The following LSM14A variants were observed in gnomAD, a reference collection of about 807,000 sequenced individuals.
LSM14A encodes the protein protein LSM14 homolog A.
A neutral mutation model predicts 52.4 loss-of-function variants in LSM14A; 14 were observed. That is an observed-to-expected ratio of 0.27 (90% CI 0.18 to 0.42). LSM14A has a LOEUF of 0.42. LSM14A is among the 10% of genes least tolerant of loss of function. The pLI is 1.00. For synonymous variants in LSM14A, 185 were observed against 200.3 expected (o/e 0.92, Z 0.64); for missense variants, 417 against 581.8 (o/e 0.72, Z 2.91).
At chr19:34,215,724 A>G in intron 6 of LSM14A, 63 bp downstream of exon 6, 3 of 1,121,286 alleles carry the variant, frequency 2.7e-6, no homozygotes, top group East Asian at 2.5e-5. Context: ...TTTTAAATAT[A>G]TGATACATAA....
intron 7 of LSM14A, 57 bp from the exon 8 acceptor site, chr19:34,219,649 T>C (rs2072919029): frequency 1.1e-5 from 17 of 1,574,046 alleles, no homozygotes; most frequent in Non-Finnish European, 1.5e-5. Context: ...GATTAGGTGT[T>C]TTTATGTAAT....
At chr19:34,220,582 A>C (rs930904757) in intron 8 of LSM14A, among the ~76,000 whole-genome samples, 1 of 151,434 alleles carries the variant, frequency 6.6e-6, no homozygotes, top group South Asian at 2.1e-4. Context: ...AGTGTGAGGA[A>C]CTAACAGTTC....
In LSM14A at chr19:34,192,316, G is replaced by GTTTT. The variant is rs1306000214; in HGVS notation, c.122-2160_122-2159insTTTT. The stretch of plus-strand genomic sequence containing the variant: ...TTTACACTGAAATAACATTCTTTTT[G>GTTTT]TTGTTTTTTTTTTTTTTTTTTTTTT... On this transcript the variant is annotated intron_variant, in intron 1 of 9. Transcript: ENST00000544216. 9.3e-3 allele frequency among the ~76,000 whole-genome samples: 612 copies of GTTTT among 65,588 alleles called. 18 individuals carry two copies. Among genetic ancestry groups the GTTTT allele is most frequent in the Non-Finnish European group, 0.012 (425 of 34,406 alleles). 43.0% of individuals were successfully genotyped at this position (65,588 alleles called of 152,430 possible).
chr19:34,209,184 C>A, intron 4 of LSM14A, 133 bp downstream of exon 4: 1 of 656,620 alleles, frequency 1.5e-6, no homozygotes, highest in Non-Finnish European at 2.4e-6. Flanking sequence ...AATTTTTCTC[C>A]AAATCGCTGT....
At chr19:34,216,434 T>C (rs1296687846) in intron 6 of LSM14A, among the ~76,000 whole-genome samples, 1 of 152,072 alleles carries the variant, frequency 6.6e-6, no homozygotes, top group Admixed American at 6.6e-5. Flanking sequence ...AATTTTACTT[T>C]TCTGGAAAAA....
intron 3 of LSM14A, among the ~76,000 whole-genome samples, chr19:34,204,688 A>G (rs2071550863): frequency 6.6e-6 from 1 of 152,232 alleles, no homozygotes; most frequent in Non-Finnish European, 1.5e-5. Flanking sequence ...GCTGCACTCC[A>G]GGAAAGGCGA....
chr19:34,224,326 G>A (rs778772198), intron 9 of LSM14A, among the ~76,000 whole-genome samples: 14 of 152,106 alleles, frequency 9.2e-5, no homozygotes, highest in Admixed American at 1.3e-4. Context: ...GCAAGACTCC[G>A]TCTCAAAAAA....
At position 34,218,302 on chromosome 19, in the gene LSM14A, C is replaced by T. The variant is rs1377999050; in HGVS notation, c.782-1089C>T. On this transcript the variant is annotated intron_variant, in intron 6 of 9. Coordinates refer to ENST00000544216, the MANE Select transcript of LSM14A (RefSeq NM_015578.4). ...TACAGGCGTGAGCCACCGCGCCTGG[C>T]CCCAAAATATTTTTTTTTAAGACAG... is the stretch of plus-strand genomic sequence containing the variant. 3.3e-5 allele frequency among the ~76,000 whole-genome samples: 5 copies of T among 152,150 alleles called. No individual in the cohort carries two copies. The South Asian group carries it at 8.3e-4, about 25-fold the overall frequency.
chr19:34,188,228 G>A (rs1235570707), intron 1 of LSM14A, among the ~76,000 whole-genome samples: 1 of 152,156 alleles, frequency 6.6e-6, no homozygotes, highest in East Asian at 1.9e-4. Context: ...AAAAGTTGCA[G>A]TGAGCCGAGA....
At chr19:34,175,229 T>TC (rs1176174452) in intron 1 of LSM14A, among the ~76,000 whole-genome samples, 1 of 151,896 alleles carries the variant, frequency 6.6e-6, no homozygotes, top group African/African-American at 2.4e-5. Context: ...TTTTTCTTTT[T>TC]CTTTTTTTTT....
Position 34,229,181 on chromosome 19 carries a change from C to T in LSM14A, c.*1793C>T, listed in dbSNP as rs1001590790. 2.0e-5 allele frequency: 3 copies of T among 152,180 alleles called. No homozygotes were observed. The highest frequency in any genetic ancestry group is 7.2e-5 in the African/African-American group (3 of 41,440). The allele number at this position is 152,180 out of a possible 1,614,324, so 9.4% of individuals were successfully genotyped here. A position where few individuals can be genotyped will look rare whatever the true frequency, so the allele number is the denominator to read the frequency against. On this transcript the variant is annotated 3_prime_UTR_variant, in exon 10 of 10. Coordinates refer to ENST00000544216, the MANE Select transcript of LSM14A (RefSeq NM_015578.4). ...CAGCCCTCCGAATCACTGACTGGGG[C>T]GTTTTGTGCCCCAGCAATAACTGGC... is the stretch of plus-strand genomic sequence containing the variant.
Position 34,196,714 on chromosome 19 carries a change from G to T in LSM14A, c.366G>T (p.Gln122His), listed in dbSNP as rs911357927. Residue 122 changes from glutamine (Q) to histidine (H), a missense_variant, in exon 3 of 10, where the codon CAG becomes CAT. Transcript: ENST00000544216. ...GPFGRMPTYS[Q>H]FSPSSLVGQQ... Reference sequence around the variant, plus strand: ...TCGGCAGGATGCCCACATACAGTCAGTTCAGTCCGAGTTCCTTAGTTGGGC... The same window carrying T: ...TCGGCAGGATGCCCACATACAGTCATTTCAGTCCGAGTTCCTTAGTTGGGC... 2.5e-6 allele frequency: 4 copies of T among 1,613,402 alleles called. No homozygotes were observed. In the African/African-American group the frequency reaches 5.3e-5, roughly 22 times the overall value.
intron 1 of LSM14A, among the ~76,000 whole-genome samples, chr19:34,178,896 A>G (rs775128995): frequency 1.3e-5 from 2 of 152,212 alleles, no homozygotes; most frequent in South Asian, 4.1e-4. Context: ...TATAATTTTC[A>G]TTTAAAGTTT....
At chr19:34,200,311 G>A (rs919360102) in intron 3 of LSM14A, among the ~76,000 whole-genome samples, 6 of 152,182 alleles carry the variant, frequency 3.9e-5, no homozygotes, top group Admixed American at 6.5e-5. Context: ...AAAAGTTGGC[G>A]TGTTTGTTTC....
chr19:34,206,388 A>G (rs1365307521), intron 3 of LSM14A, among the ~76,000 whole-genome samples: 1 of 151,354 alleles, frequency 6.6e-6, no homozygotes, highest in Non-Finnish European at 1.5e-5. Flanking sequence ...GTAAAAAAAG[A>G]CTGGGTACGG....
intron 1 of LSM14A, among the ~76,000 whole-genome samples, chr19:34,178,092 C>T (rs367934753): frequency 3.3e-5 from 5 of 151,208 alleles, no homozygotes; most frequent in African/African-American, 1.2e-4. Context: ...ACCTGAAAGG[C>T]GGAGGTTAGA....
At chr19:34,210,344 A>C (rs745625564) in intron 4 of LSM14A, among the ~76,000 whole-genome samples, 6 of 151,414 alleles carry the variant, frequency 4.0e-5, no homozygotes, top group Non-Finnish European at 7.4e-5. Flanking sequence ...ATCTCGGCTC[A>C]CTGCAACCTC....
chr19:34,174,246 GCCT>G (rs1233637702), intron 1 of LSM14A, among the ~76,000 whole-genome samples: 2 of 152,222 alleles, frequency 1.3e-5, no homozygotes, highest in Non-Finnish European at 2.9e-5. Context: ...ACCGCGCCCA[GCCT>G]CTGGTAAATC....
At chr19:34,205,351 T>TATCA (rs2071607352) in intron 3 of LSM14A, among the ~76,000 whole-genome samples, 1 of 151,514 alleles carries the variant, frequency 6.6e-6, no homozygotes, top group African/African-American at 2.4e-5. Context: ...CCAGGTATGA[T>TATCA]GGCAGGTGCC....
Sources: allele counts gnomAD v4.1 joint callset (sites outside exome capture counted in the v4.1 genomes callset), GRCh38; gene constraint gnomAD v4.1.1; transcripts MANE v1.5; gene names NCBI Gene and HGNC (gene_info 2026-07-23, HGNC 2026-07-21).